The following HRK variants were observed in gnomAD, a reference collection of about 807,000 sequenced individuals.
The protein encoded by HRK is harakiri, BCL2 interacting protein.
Under a neutral mutation model 5.9 loss-of-function variants are expected in HRK, and 6 were observed. The observed-to-expected ratio is 1.02, with a 90% CI of 0.56 to 2.01. HRK has a LOEUF of 2.01. HRK is among the 30% of genes most tolerant of loss of function. The pLI is 0.00. For missense variants in HRK, 133 were observed against 128.3 expected, an observed-to-expected ratio of 1.04 and a Z score of -0.18; for synonymous variants, 85 against 65.1, an observed-to-expected ratio of 1.31 and a Z score of -1.47.
At position 116,860,660 on chromosome 12, in the gene HRK, G is replaced by C. The variant is rs971894878; in HGVS notation, c.*863C>G. 2 of 150,448 alleles carry C rather than the reference G, an allele frequency of 1.3e-5. No individual in the cohort carries two copies. Among genetic ancestry groups the C allele is most frequent in the Non-Finnish European group, 3.0e-5 (2 of 67,770 alleles). The allele number at this position is 150,448 out of a possible 1,614,324, so 9.3% of individuals were successfully genotyped here. A position where few individuals can be genotyped will look rare whatever the true frequency, so the allele number is the denominator to read the frequency against. On this transcript the variant is annotated 3_prime_UTR_variant, in exon 2 of 2. Coordinates refer to ENST00000257572, the MANE Select transcript of HRK (RefSeq NM_003806.4). ...AACCACCTCTGGATATTCGTCCCCA[G>C]GTAGAAGAAGAGAAGAGACTCTCAA...
chr12:116,864,539 T>C (rs1878471178), intron 1 of HRK, among the ~76,000 whole-genome samples: 2 of 152,104 alleles, frequency 1.3e-5, no homozygotes, highest in South Asian at 4.1e-4. Flanking sequence ...CACACACACA[T>C]ATTTTTTCCA....
At position 116,858,479 on chromosome 12, in the gene HRK, G is replaced by A. The variant is rs956414317; in HGVS notation, c.*3044C>T. ...GCTCCCCACTCTCTGAGAGCAAGCA[G>A]CACCATCAGAAATGAAGAGGCAAAA... On this transcript the variant is annotated 3_prime_UTR_variant, in exon 2 of 2. Transcript: ENST00000257572. 2 of 151,052 alleles carry A rather than the reference G, an allele frequency of 1.3e-5. No individual in the cohort carries two copies. Among genetic ancestry groups the A allele is most frequent in the Non-Finnish European group, 2.9e-5 (2 of 67,890 alleles). 9.4% of individuals were successfully genotyped at this position (151,052 alleles called of 1,614,324 possible). A position where few individuals can be genotyped will look rare whatever the true frequency, so the allele number is the denominator to read the frequency against.
chr12:116,873,276 A>G (rs1878823467), intron 1 of HRK, among the ~76,000 whole-genome samples: 1 of 152,242 alleles, frequency 6.6e-6, no homozygotes, highest in African/African-American at 2.4e-5. Context: ...CTGGGATTAC[A>G]GGCACATGCC....
In HRK at chr12:116,856,517, G is replaced by C. The variant is rs140356335; in HGVS notation, c.*5006C>G. 1.5e-3 allele frequency: 223 copies of C among 152,312 alleles called. No homozygotes were observed. Among genetic ancestry groups the C allele is most frequent in the Non-Finnish European group, 2.6e-3 (179 of 68,030 alleles). The allele number at this position is 152,312 out of a possible 1,614,324, so 9.4% of individuals were successfully genotyped here. ...GCAAATTCCTTGCACCTTCCCCGGG[G>C]CCTTATAGAAACCAGGAACACAGGG... On this transcript the variant is annotated 3_prime_UTR_variant, in exon 2 of 2. Coordinates refer to ENST00000257572, the MANE Select transcript of HRK (RefSeq NM_003806.4). The surrounding 1 kb of genome is among the most constrained non-coding windows in gnomAD (Gnocchi z 4.4).
chr12:116,874,079 C>A (rs1033407151), intron 1 of HRK, among the ~76,000 whole-genome samples: 2 of 152,110 alleles, frequency 1.3e-5, no homozygotes, highest in Non-Finnish European at 2.9e-5. Context: ...ACCTCTCAGA[C>A]CTTGGCAGGA....
In HRK at chr12:116,879,060, C is replaced by T. The variant is rs1275091274; in HGVS notation, c.*56+1916G>A. On this transcript the variant is annotated intron_variant, in intron 1 of 1. Transcript: ENST00000257572. This position sits in a 1 kb window ranked among gnomAD's most constrained non-coding sequence, Gnocchi z 5.6. Reference sequence around the variant, plus strand: ...CTTCCAGGCCCCGGGAGCATTCCCACCCCGACACTCACACACCGGCAAACA... The same window carrying T: ...CTTCCAGGCCCCGGGAGCATTCCCATCCCGACACTCACACACCGGCAAACA... 1 of 152,264 alleles carries T rather than the reference C, an allele frequency of 6.6e-6. No individual in the cohort carries two copies. Among genetic ancestry groups the T allele is most frequent in the South Asian group, 2.1e-4 (1 of 4,822 alleles). 9.4% of individuals were successfully genotyped at this position (152,264 alleles called of 1,614,324 possible).
rs1878303325 is a variant in HRK at position 116,860,079 on chromosome 12, T to G, written c.*1444A>C. 1 of 152,220 alleles carries G rather than the reference T, an allele frequency of 6.6e-6. No homozygotes were observed. The highest frequency in any genetic ancestry group is 2.4e-5 in the African/African-American group (1 of 41,428). 9.4% of individuals were successfully genotyped at this position (152,220 alleles called of 1,614,324 possible). A position where few individuals can be genotyped will look rare whatever the true frequency, so the allele number is the denominator to read the frequency against. ...TAGGTACCGGGTGGTGACCTGCAAATCCAGCCTTGGAGAATGACCGTCCGA... is the reference window on the plus strand; with the variant it reads ...TAGGTACCGGGTGGTGACCTGCAAAGCCAGCCTTGGAGAATGACCGTCCGA... On this transcript the variant is annotated 3_prime_UTR_variant, in exon 2 of 2. Coordinates refer to ENST00000257572, the MANE Select transcript of HRK (RefSeq NM_003806.4).
In HRK at chr12:116,856,427, G is replaced by T. The variant is rs1218648155; in HGVS notation, c.*5096C>A. The T allele has an allele frequency of 6.6e-6, 1 of 152,280 alleles. No homozygotes were observed. Among genetic ancestry groups the T allele is most frequent in the African/African-American group, 2.4e-5 (1 of 41,446 alleles). The allele number at this position is 152,280 out of a possible 1,614,324, so 9.4% of individuals were successfully genotyped here. On this transcript the variant is annotated 3_prime_UTR_variant, in exon 2 of 2. Transcript: ENST00000257572. The surrounding 1 kb of genome is among the most constrained non-coding windows in gnomAD (Gnocchi z 4.4). The stretch of plus-strand genomic sequence containing the variant: ...AAACTTGGGAGTTCAGGTTGGAGAA[G>T]AGGGTAGAAAGGAGGTAAGAAAAGC...
Position 116,879,618 on chromosome 12 carries a change from G to C in HRK, c.*56+1358C>G, listed in dbSNP as rs1427067161. 1 of 152,234 alleles carries C rather than the reference G, an allele frequency of 6.6e-6. No individual in the cohort carries two copies. Among genetic ancestry groups the C allele is most frequent in the Non-Finnish European group, 1.5e-5 (1 of 68,044 alleles). The allele number at this position is 152,234 out of a possible 1,614,324, so 9.4% of individuals were successfully genotyped here. A position where few individuals can be genotyped will look rare whatever the true frequency, so the allele number is the denominator to read the frequency against. On this transcript the variant is annotated intron_variant, in intron 1 of 1. Coordinates refer to ENST00000257572, the MANE Select transcript of HRK (RefSeq NM_003806.4). This position sits in a 1 kb window ranked among gnomAD's most constrained non-coding sequence, Gnocchi z 5.6. The stretch of plus-strand genomic sequence containing the variant: ...CCCCGGCGCCCGGGAGCCGGGCAGA[G>C]AGCGCCCCGAAGCGCGCATTTCTCT...
intron 1 of HRK, among the ~76,000 whole-genome samples, chr12:116,866,160 A>AAAG (rs1361059138): frequency 1.3e-5 from 2 of 150,740 alleles, no homozygotes; most frequent in Non-Finnish European, 3.0e-5. Flanking sequence ...TCCATCTCAA[A>AAAG]AAAAAAAAAA....
In HRK at chr12:116,880,972, G is replaced by A; in HGVS notation, c.*56+4C>T. On this transcript the variant is annotated splice_donor_region_variant and intron_variant, in intron 1 of 1. Coordinates refer to ENST00000257572, the MANE Select transcript of HRK (RefSeq NM_003806.4). Reference sequence around the variant, plus strand: ...CCCCGGCTCTCGCTCGCTCGCTCGCGTACCTGTTGCTCGCTCCGGCTGGGT... The same window carrying A: ...CCCCGGCTCTCGCTCGCTCGCTCGCATACCTGTTGCTCGCTCCGGCTGGGT... The A allele has an allele frequency of 1.7e-6, 2 of 1,211,378 alleles. No homozygotes were observed. The highest frequency in any genetic ancestry group is 1.6e-5 in the African/African-American group (1 of 62,676). 75.0% of individuals were successfully genotyped at this position (1,211,378 alleles called of 1,614,324 possible). A position where few individuals can be genotyped will look rare whatever the true frequency, so the allele number is the denominator to read the frequency against.
rs1281608990 is a variant in HRK at position 116,881,346 on chromosome 12, C to T, written c.-39G>A. On this transcript the variant is annotated 5_prime_UTR_variant, in exon 1 of 2. Transcript: ENST00000257572. ...GCTCCCGCCCCGCGCTCGGGCCGCC[C>T]CTCGCCTCCTCTCCCTCCGGCCTCT... The T allele has an allele frequency of 9.4e-7, 1 of 1,059,074 alleles. No individual in the cohort carries two copies. The highest frequency in any genetic ancestry group is 1.7e-5 in the African/African-American group (1 of 58,836). 65.6% of individuals were successfully genotyped at this position (1,059,074 alleles called of 1,614,324 possible).
chr12:116,863,272 G>A (rs1878429493), intron 1 of HRK, among the ~76,000 whole-genome samples: 1 of 152,156 alleles, frequency 6.6e-6, no homozygotes, highest in Non-Finnish European at 1.5e-5. Flanking sequence ...TTCTGGGTTT[G>A]GCCAACAGGA....
intron 1 of HRK, among the ~76,000 whole-genome samples, chr12:116,868,399 C>T (rs532945364): frequency 1.2e-4 from 19 of 152,308 alleles, no homozygotes; most frequent in African/African-American, 4.6e-4. Context: ...CATTTAAGCT[C>T]GCCTCATCTT....
rs914851471 is a variant in HRK, at chr12:116,856,606, G to T, written c.*4917C>A. The T allele has an allele frequency of 6.6e-6, 1 of 152,356 alleles. No homozygotes were observed. The allele number at this position is 152,356 out of a possible 1,614,324, so 9.4% of individuals were successfully genotyped here. A position where few individuals can be genotyped will look rare whatever the true frequency, so the allele number is the denominator to read the frequency against. ...CAGCCTGTCCTTGAGTGTCCCCAAAGGTGACACTTTTTCCAGTAGACCTAA... is the reference window on the plus strand; with the variant it reads ...CAGCCTGTCCTTGAGTGTCCCCAAATGTGACACTTTTTCCAGTAGACCTAA... On this transcript the variant is annotated 3_prime_UTR_variant, in exon 2 of 2. Coordinates refer to ENST00000257572, the MANE Select transcript of HRK (RefSeq NM_003806.4). This position sits in a 1 kb window ranked among gnomAD's most constrained non-coding sequence, Gnocchi z 4.4.
At chr12:116,876,138 T>C (rs1411339371) in intron 1 of HRK, among the ~76,000 whole-genome samples, 3 of 152,200 alleles carry the variant, frequency 2.0e-5, no homozygotes, top group East Asian at 1.9e-4. Flanking sequence ...CTCTTTTCCA[T>C]CCACAGCTCA....
chr12:116,865,493 C>T (rs1265918141), intron 1 of HRK, among the ~76,000 whole-genome samples: 1 of 152,152 alleles, frequency 6.6e-6, no homozygotes, highest in African/African-American at 2.4e-5. Context: ...TGCCTCTGCA[C>T]TCCATCCTGG....
intron 1 of HRK, among the ~76,000 whole-genome samples, chr12:116,867,410 C>T (rs1422375393): frequency 1.3e-5 from 2 of 152,070 alleles, no homozygotes; most frequent in African/African-American, 4.8e-5. Flanking sequence ...TCCCAAAGTG[C>T]TGGGATTACA....
rs372996915 is a variant in HRK, at chr12:116,861,907, G to A, written c.*57-441C>T. ...TCTGTTCTCTTTTGTTTGTTTGTTC[G>A]TTCATTCATCCATTCACTTATTCCC... On this transcript the variant is annotated intron_variant, in intron 1 of 1. Coordinates refer to ENST00000257572, the MANE Select transcript of HRK (RefSeq NM_003806.4). Among the ~76,000 whole-genome samples the A allele has an allele frequency of 1.1e-4, 16 of 152,214 alleles. No individual in the cohort carries two copies. The East Asian group carries it at 2.7e-3, about 26-fold the overall frequency.
Sources: gnomAD v4.1 joint callset for allele counts (sites outside exome capture counted in the v4.1 genomes callset) on GRCh38, gnomAD v4.1.1 for gene constraint, Gnocchi (gnomAD v3.1) non-coding constraint, MANE v1.5 for transcripts, NCBI Gene and HGNC (gene_info 2026-07-23, HGNC 2026-07-21) for gene names.